ATP5PB: variants seen among roughly 807,000 people sequenced by gnomAD.
ATP5PB encodes ATP synthase peripheral stalk-membrane subunit b.
A neutral mutation model predicts 34.5 loss-of-function variants in ATP5PB; 21 were observed. That is an observed-to-expected ratio of 0.61 (90% CI 0.43 to 0.88). ATP5PB has a LOEUF of 0.88. Among genes scored for constraint, ATP5PB ranks in the 40% least tolerant of loss-of-function variants. The probability of loss-of-function intolerance (pLI) is 0.00; values close to 1 mark genes in which losing one functional copy is unlikely to be tolerated. For synonymous variants in ATP5PB, 108 were observed against 114.1 expected (o/e 0.95, Z 0.34); for missense variants, 293 against 317.4 (o/e 0.92, Z 0.58).
In ATP5PB at chr1:111,456,103, A is replaced by C; in HGVS notation, c.241A>C (p.Thr81Pro). 1 of 1,597,702 alleles carries C rather than the reference A, an allele frequency of 6.3e-7. No homozygotes were observed. The highest frequency in any genetic ancestry group is 8.5e-7 in the Non-Finnish European group (1 of 1,173,062). ...TCTTTTAGGACCCTATGTACTCGGA[A>C]CTGGGCTTATCTTGTACGCTTTATC... The part of the protein sequence containing the change: ...TGVTGPYVLG[T>P]GLILYALSKE... Residue 81 changes from threonine (T) to proline (P), a missense_variant, in exon 4 of 7, where the codon ACT becomes CCT. By Grantham distance (38) the Thr-to-Pro change is conservative. Transcript: ENST00000369722.
intron 5 of ATP5PB, among the ~76,000 whole-genome samples, chr1:111,458,754 T>G (rs1653536565): frequency 6.6e-6 from 1 of 152,138 alleles, no homozygotes; most frequent in Admixed American, 6.5e-5. Flanking sequence ...GTTAGCCAAG[T>G]AGAGATATGT....
intron 3 of ATP5PB, 127 bp downstream of exon 3, chr1:111,454,483 G>A: frequency 8.1e-7 from 1 of 1,242,068 alleles, no homozygotes; most frequent in Non-Finnish European, 1.1e-6. Flanking sequence ...TTGAGACAGG[G>A]TATTACTCTA....
At chr1:111,456,512 G>A in intron 4 of ATP5PB, 118 bp from the exon 5 acceptor site, 1 of 1,347,866 alleles carries the variant, frequency 7.4e-7, no homozygotes, top group Non-Finnish European at 9.8e-7. Flanking sequence ...TTCTTTCTAT[G>A]TTTCTTTGTG....
At chr1:111,458,290 G>A (rs773289736) in intron 5 of ATP5PB, among the ~76,000 whole-genome samples, 12 of 152,188 alleles carry the variant, frequency 7.9e-5, no homozygotes, top group Non-Finnish European at 1.8e-4. Flanking sequence ...AGGATCACTT[G>A]AGCCCAGGAA....
chr1:111,453,211 A>C (rs962818403), intron 2 of ATP5PB, among the ~76,000 whole-genome samples: 4 of 152,162 alleles, frequency 2.6e-5, no homozygotes, highest in African/African-American at 7.2e-5. Context: ...AGGAGACATC[A>C]GTATGCTGTA....
In ATP5PB at chr1:111,454,734, G is replaced by A. The variant is rs181507719; in HGVS notation, c.223+378G>A. Among the ~76,000 whole-genome samples the A allele has an allele frequency of 3.7e-3, 558 of 152,178 alleles. 5 individuals carry two copies. Among genetic ancestry groups the A allele is most frequent in the African/African-American group, 0.013 (527 of 41,510 alleles). On this transcript the variant is annotated intron_variant, in intron 3 of 6. Coordinates refer to ENST00000369722, the MANE Select transcript of ATP5PB (RefSeq NM_001688.5). ...CTGGGATTACAGGCTTGAGCCACCC[G>A]CCTGCAGCCGCAAGTCAGCTATTTT...
rs761389778 is a variant in ATP5PB at position 111,454,266 on chromosome 1, C to T, written c.133C>T (p.Pro45Ser). Residue 45 changes from proline to serine, a missense_variant, in exon 3 of 7, where the codon CCA (proline) becomes TCA (serine). Transcript: ENST00000369722. ...AGGGCAGCCACACCTTGTCCCTGTA[C>T]CACCTCTTCCTGAATACGGAGGAAA... ...HTGQPHLVPV[P>S]PLPEYGGKVR... 1 of 1,613,184 alleles carries T rather than the reference C, an allele frequency of 6.2e-7. No homozygotes were observed. The highest frequency in any genetic ancestry group is 2.2e-5 in the East Asian group (1 of 44,832).
intron 5 of ATP5PB, among the ~76,000 whole-genome samples, chr1:111,459,027 A>G (rs1020300862): frequency 9.2e-5 from 14 of 152,198 alleles, no homozygotes; most frequent in African/African-American, 3.1e-4. Context: ...CACAAAGACA[A>G]ATCTACAATG....
At chr1:111,452,023 G>A (rs1290341549) in intron 2 of ATP5PB, among the ~76,000 whole-genome samples, 1 of 152,046 alleles carries the variant, frequency 6.6e-6, no homozygotes, top group Admixed American at 6.6e-5. Context: ...GAAGGCTGAG[G>A]TGGGAGGATG....
chr1:111,456,504 C>T lies in ATP5PB; in HGVS notation c.388-126C>T. The T allele has an allele frequency of 4.6e-6, 6 of 1,312,640 alleles. No individual in the cohort carries two copies. The South Asian group carries it at 1.1e-4, about 23-fold the overall frequency. The allele number at this position is 1,312,640 out of a possible 1,614,324, so 81.3% of individuals were successfully genotyped here. On this transcript the variant is annotated intron_variant, in intron 4 of 6. Coordinates refer to ENST00000369722, the MANE Select transcript of ATP5PB (RefSeq NM_001688.5). Reference sequence around the variant, plus strand: ...ATTCTTTTTAAGGATTTGTGCGTTTCTTTCTATGTTTCTTTGTGGGTGTTT... The same window carrying T: ...ATTCTTTTTAAGGATTTGTGCGTTTTTTTCTATGTTTCTTTGTGGGTGTTT...
intron 1 of ATP5PB, 67 bp from the exon 2 acceptor site, chr1:111,449,770 C>T: frequency 1.2e-6 from 2 of 1,607,222 alleles, no homozygotes; most frequent in Non-Finnish European, 1.7e-6. Flanking sequence ...TAGAGCCTGG[C>T]GGGGGTAAGG....
At position 111,458,477 on chromosome 1, in the gene ATP5PB, A is replaced by C. The variant is rs567330034; in HGVS notation, c.514-980A>C. ...GGGGAAATAAGTTCCAGGCTGAGGG[A>C]AGAACAGTTGCAAATGCCCTAAACC... On this transcript the variant is annotated intron_variant, in intron 5 of 6. Transcript: ENST00000369722. Among the ~76,000 whole-genome samples, 8 of 152,322 alleles carry C rather than the reference A, an allele frequency of 5.3e-5. 2 individuals carry two copies. The highest frequency in any genetic ancestry group is 1.9e-4 in the African/African-American group (8 of 41,564).
Position 111,459,939 on chromosome 1 carries a change from A to G in ATP5PB, c.693+303A>G, listed in dbSNP as rs376164973. ...CAACACTTTGGAAGGGCGAGGCAGG[A>G]GGATCACTTGAGGCCAGGAGTTCAA... On this transcript the variant is annotated intron_variant, in intron 6 of 6. Transcript: ENST00000369722. 9.2e-5 allele frequency among the ~76,000 whole-genome samples: 14 copies of G among 152,284 alleles called. No individual in the cohort carries two copies. In the East Asian group the frequency reaches 2.3e-3, roughly 25 times the overall value.
chr1:111,449,996 A>T, intron 2 of ATP5PB, 123 bp downstream of exon 2: 1 of 1,250,916 alleles, frequency 8.0e-7, no homozygotes, highest in Non-Finnish European at 1.2e-6. Context: ...GGACACTTAA[A>T]CCCTCTTTCA....
In ATP5PB at chr1:111,449,554, G is replaced by A. The variant is rs778056395; in HGVS notation, c.13G>A (p.Val5Met). MLSR[V>M]VLSAAATAAP... is the part of the protein sequence containing the mutation. ...ACTTTCGTTGACCATGCTGTCCCGG[G>A]TGGTACTTTCCGCCGCCGCCACAGC... Residue 5 changes from valine to methionine, a missense_variant, in exon 1 of 7, where the codon GTG becomes ATG. Transcript: ENST00000369722. 1.9e-6 allele frequency: 3 copies of A among 1,611,602 alleles called. No homozygotes were observed. The highest frequency in any genetic ancestry group is 1.3e-5 in the African/African-American group (1 of 74,868).
In ATP5PB at chr1:111,459,536, A is replaced by T. The variant is rs1425717427; in HGVS notation, c.593A>T (p.Asp198Val). Reference sequence around the variant, plus strand: ...TATAAGGAAGTAAAGAATCGCCTGGACTATCATATATCTGTGCAGAACATG... The same window carrying T: ...TATAAGGAAGTAAAGAATCGCCTGGTCTATCATATATCTGTGCAGAACATG... ...RVYKEVKNRLDYHISVQNMMR... is the reference protein window; with the variant it reads ...RVYKEVKNRLVYHISVQNMMR... The change falls in exon 6 of 7, where the codon GAC becomes GTC. Residue 198 changes from aspartate (D) to valine (V), a missense_variant. By Grantham distance (152) the Asp-to-Val change is radical (BLOSUM62 -3). Transcript: ENST00000369722. 3.1e-6 allele frequency: 5 copies of T among 1,613,868 alleles called. No individual in the cohort carries two copies. Among genetic ancestry groups the T allele is most frequent in the Non-Finnish European group, 4.2e-6 (5 of 1,179,856 alleles).
chr1:111,452,771 T>C (rs2101755453), intron 2 of ATP5PB, among the ~76,000 whole-genome samples: 1 of 152,232 alleles, frequency 6.6e-6, no homozygotes, highest in South Asian at 2.1e-4. Flanking sequence ...TGGAGATATT[T>C]TTCAGTGTTA....
At position 111,460,938 on chromosome 1, in the gene ATP5PB, T is replaced by C. The variant is rs769241043; in HGVS notation, c.715T>C (p.Cys239Arg). ...TQQEKETIAKCIADLKLLAKK... is the reference protein window; with the variant it reads ...TQQEKETIAKRIADLKLLAKK... ...ACAGGAAAAGGAGACAATTGCCAAGTGCATTGCGGACCTAAAGCTGCTGGC... is the reference window on the plus strand; with the variant it reads ...ACAGGAAAAGGAGACAATTGCCAAGCGCATTGCGGACCTAAAGCTGCTGGC... The change falls in exon 7 of 7, where the codon TGC (cysteine) becomes CGC (arginine). Residue 239 changes from cysteine to arginine, a missense_variant. Coordinates refer to ENST00000369722, the MANE Select transcript of ATP5PB (RefSeq NM_001688.5). 1 of 1,613,480 alleles carries C rather than the reference T, an allele frequency of 6.2e-7. No individual in the cohort carries two copies. Among genetic ancestry groups the C allele is most frequent in the Non-Finnish European group, 8.5e-7 (1 of 1,179,770 alleles).
chr1:111,455,073 T>C (rs1459887008), intron 3 of ATP5PB, among the ~76,000 whole-genome samples: 3 of 152,210 alleles, frequency 2.0e-5, no homozygotes, highest in Admixed American at 2.0e-4. Flanking sequence ...ATTAAGTTTA[T>C]GATTCTCTCT....
Sources: gnomAD v4.1 joint callset for allele counts (sites outside exome capture counted in the v4.1 genomes callset) on GRCh38, gnomAD v4.1.1 for gene constraint, MANE v1.5 for transcripts, NCBI Gene and HGNC (gene_info 2026-07-23, HGNC 2026-07-21) for gene names.